Variants in DSE observed in about 807,000 individuals in gnomAD.
DSE encodes dermatan-sulfate epimerase.
A neutral mutation model predicts 84.4 loss-of-function variants in DSE; 36 were observed. The ratio of observed to expected loss-of-function variants is 0.43; its 90% CI spans 0.33 to 0.56. DSE has a LOEUF of 0.56. DSE is among the 20% of genes least tolerant of loss of function. The pLI is 0.06. For synonymous variants in DSE, 410 were observed against 430.1 expected (o/e 0.95, Z 0.58); for missense variants, 862 against 1,169.6 (o/e 0.74, Z 3.84).
At chr6:116,260,631 C>A (rs992798407) in intron 2 of DSE, among the ~76,000 whole-genome samples, 9 of 152,112 alleles carry the variant, frequency 5.9e-5, no homozygotes, top group Non-Finnish European at 4.4e-5. Flanking sequence ...ACATTTAAGT[C>A]TTTAATTCAT....
At chr6:116,325,006 A>T (rs1434483883) in intron 2 of DSE, among the ~76,000 whole-genome samples, 1 of 151,866 alleles carries the variant, frequency 6.6e-6, no homozygotes, top group African/African-American at 2.4e-5. Context: ...CATACCACCC[A>T]CTCTGGGGTT....
At chr6:116,386,153 AT>A (rs1780565935) in intron 1 of DSE, among the ~76,000 whole-genome samples, 1 of 152,120 alleles carries the variant, frequency 6.6e-6, no homozygotes, top group Non-Finnish European at 1.5e-5. Context: ...ATTCTTAGTC[AT>A]TTTTCTGGGT....
chr6:116,301,114 G>A (rs1775009263), intron 2 of DSE, among the ~76,000 whole-genome samples: 1 of 151,006 alleles, frequency 6.6e-6, no homozygotes. Context: ...TTCTGAGGTG[G>A]TCAGGGTGAA....
chr6:116,307,013 G>A (rs1464379070), intron 2 of DSE, among the ~76,000 whole-genome samples: 4 of 152,212 alleles, frequency 2.6e-5, no homozygotes, highest in African/African-American at 9.6e-5. Flanking sequence ...GGCAGCATGA[G>A]CAGACTAATA....
intron 1 of DSE, among the ~76,000 whole-genome samples, chr6:116,388,739 A>AT (rs1220436313): frequency 6.6e-6 from 1 of 152,060 alleles, no homozygotes; most frequent in East Asian, 1.9e-4. Flanking sequence ...TGCATTTAGG[A>AT]TTTTTTGTGA....
At position 116,436,205 on chromosome 6, in the gene DSE, C is replaced by A; in HGVS notation, c.1737C>A (p.Pro579=). ...AAATACACCTGGGAGAGGAGAGTCC[C>A]TTGGAGACAGCAGCGAGCTTCTTCC... ...VDQIHLGEES[P]LETAASFFHN... Residue 579 remains proline, a synonymous_variant, in exon 6 of 6, where the codon CCC becomes CCA. Transcript: ENST00000644252. 1 of 1,613,970 alleles carries A rather than the reference C, an allele frequency of 6.2e-7. No individual in the cohort carries two copies. Among genetic ancestry groups the A allele is most frequent in the Non-Finnish European group, 8.5e-7 (1 of 1,180,022 alleles).
chr6:116,397,269 G>A (rs1166273310), intron 1 of DSE, among the ~76,000 whole-genome samples: 1 of 146,092 alleles, frequency 6.8e-6, no homozygotes, highest in Non-Finnish European at 1.5e-5. Context: ...GAGTGCAGTG[G>A]TGGATCTTGG....
chr6:116,409,793 T>C (rs1478359687), intron 2 of DSE, among the ~76,000 whole-genome samples: 3 of 152,190 alleles, frequency 2.0e-5, no homozygotes, highest in Non-Finnish European at 4.4e-5. Context: ...AGGAATACTT[T>C]GCCCAACATT....
At chr6:116,299,981 A>G (rs1774936314) in intron 2 of DSE, among the ~76,000 whole-genome samples, 1 of 152,166 alleles carries the variant, frequency 6.6e-6, no homozygotes, top group Non-Finnish European at 1.5e-5. Context: ...ATTTTAATAA[A>G]CTGTTGGTCT....
chr6:116,321,765 A>G (rs957168822), intron 2 of DSE, among the ~76,000 whole-genome samples: 1 of 151,912 alleles, frequency 6.6e-6, no homozygotes, highest in Admixed American at 6.6e-5. Flanking sequence ...ACAGTGTGAG[A>G]CTCCATCTCA....
At chr6:116,369,783 T>C, upstream of DSE, 1 of 577,840 alleles carries the variant, frequency 1.7e-6, no homozygotes, top group Non-Finnish European at 2.8e-6. Context: ...AAGAGAAGCA[T>C]AAACTGAGAC....
At chr6:116,432,986 A>G (rs747037916) in intron 4 of DSE, 3 of 221,640 alleles carry the variant, frequency 1.4e-5, no homozygotes, top group Non-Finnish European at 2.7e-5. Context: ...TGTTCATTCC[A>G]GGTTCAGAAA....
chr6:116,421,464 T>TG, intron 2 of DSE, among the ~76,000 whole-genome samples: 1 of 39,858 alleles, frequency 2.5e-5, no homozygotes, highest in Non-Finnish European at 4.0e-5. Flanking sequence ...TATATATATA[T>TG]TTTTTTTTTT....
rs979270278 is a variant in DSE, at chr6:116,436,289, C to A, written c.1821C>A (p.Ile607=). 1 of 1,614,124 alleles carries A rather than the reference C, an allele frequency of 6.2e-7. No homozygotes were observed. Among genetic ancestry groups the A allele is most frequent in the Non-Finnish European group, 8.5e-7 (1 of 1,180,012 alleles). ...TVVDGVHGAF[I]RQRDGLYKMY... ...TAGATGGTGTCCATGGGGCTTTCAT[C>A]AGGCAGAGAGATGGTCTCTATAAAA... The change falls in exon 6 of 6, where the codon ATC becomes ATA. Residue 607 remains isoleucine (I), a synonymous_variant. Coordinates refer to ENST00000644252, the MANE Select transcript of DSE (RefSeq NM_013352.4).
intron 2 of DSE, among the ~76,000 whole-genome samples, chr6:116,309,953 A>T (rs1325262144): frequency 6.6e-6 from 1 of 151,648 alleles, no homozygotes; most frequent in Non-Finnish European, 1.5e-5. Context: ...TTTGGAAAGA[A>T]AAAAAAAAGA....
At position 116,436,206 on chromosome 6, in the gene DSE, T is replaced by C; in HGVS notation, c.1738T>C (p.Leu580=). ...DQIHLGEESP[L]ETAASFFHNV... ...AATACACCTGGGAGAGGAGAGTCCC[T>C]TGGAGACAGCAGCGAGCTTCTTCCA... Residue 580 remains leucine (L), a synonymous_variant, in exon 6 of 6, where the codon TTG becomes CTG. Coordinates refer to ENST00000644252, the MANE Select transcript of DSE (RefSeq NM_013352.4). The C allele has an allele frequency of 1.9e-6, 3 of 1,613,998 alleles. No individual in the cohort carries two copies. The highest frequency in any genetic ancestry group is 2.5e-6 in the Non-Finnish European group (3 of 1,180,012).
intron 2 of DSE, among the ~76,000 whole-genome samples, chr6:116,416,940 T>C (rs1782754030): frequency 6.6e-6 from 1 of 152,216 alleles, no homozygotes; most frequent in Admixed American, 6.5e-5. Context: ...TGGGTAAATA[T>C]CATTAAATTA....
At chr6:116,391,837 C>T (rs1395935394) in intron 1 of DSE, among the ~76,000 whole-genome samples, 2 of 150,874 alleles carry the variant, frequency 1.3e-5, no homozygotes, top group South Asian at 4.2e-4. Flanking sequence ...GGGCTTTACA[C>T]ATCAGGGAGT....
intron 2 of DSE, among the ~76,000 whole-genome samples, chr6:116,319,518 C>T (rs1158706830): frequency 6.6e-6 from 1 of 152,190 alleles, no homozygotes; most frequent in African/African-American, 2.4e-5. Context: ...GGTCACATCT[C>T]ACATGGAAAG....
Sources: gnomAD v4.1 joint callset for allele counts (sites outside exome capture counted in the v4.1 genomes callset) on GRCh38, gnomAD v4.1.1 for gene constraint, MANE v1.5 for transcripts, NCBI Gene and HGNC (gene_info 2026-07-23, HGNC 2026-07-21) for gene names.